Variants in SPTBN1 observed in about 807,000 individuals in gnomAD.
SPTBN1 encodes the protein spectrin beta, non-erythrocytic 1, also known as spectrin beta chain, non-erythrocytic 1.
In SPTBN1, 32 loss-of-function variants were observed where a neutral mutation model predicts 266.4. The observed-to-expected ratio is 0.12, with a 90% CI of 0.09 to 0.16. The LOEUF is 0.16. Among genes scored for constraint, SPTBN1 ranks in the 10% least tolerant of loss-of-function variants. The probability of loss-of-function intolerance (pLI) is 1.00; values close to 1 mark genes in which losing one functional copy is unlikely to be tolerated. For synonymous variants in SPTBN1, 1,336 were observed against 1,162.2 expected (o/e 1.15, Z -3.04); for missense variants, 2,296 against 3,067.1 (o/e 0.75, Z 5.94).
At chr2:54,574,316 G>A (rs888423521) in intron 2 of SPTBN1, among the ~76,000 whole-genome samples, 4 of 152,154 alleles carry the variant, frequency 2.6e-5, no homozygotes, top group East Asian at 1.9e-4. Flanking sequence ...GCACCTGGCT[G>A]TTGACCACGC....
chr2:54,492,154 A>G (rs1247357351), intron 1 of SPTBN1, among the ~76,000 whole-genome samples: 1 of 152,192 alleles, frequency 6.6e-6, no homozygotes. Context: ...AAGCCATGCT[A>G]TAATTCTGGT....
chr2:54,661,744 ATG>A, intron 32 of SPTBN1: 1 of 985,486 alleles, frequency 1.0e-6, no homozygotes. Context: ...TCATATATAT[ATG>A]TGTGTGTGTT....
chr2:54,623,009 T>A (rs1216309827), intron 9 of SPTBN1, among the ~76,000 whole-genome samples: 1 of 152,214 alleles, frequency 6.6e-6, no homozygotes, highest in Non-Finnish European at 1.5e-5. Context: ...CTTTTTTAAG[T>A]TCATAATTGT....
intron 1 of SPTBN1, among the ~76,000 whole-genome samples, chr2:54,468,109 C>G (rs930215718): frequency 6.6e-6 from 1 of 152,000 alleles, no homozygotes; most frequent in Non-Finnish European, 1.5e-5. Flanking sequence ...GAGTTTGAGA[C>G]GAGCCTGGCC....
At chr2:54,668,296 A>C in intron 35 of SPTBN1, 55 bp from the exon 36 acceptor site, 3 of 1,571,530 alleles carry the variant, frequency 1.9e-6, no homozygotes, top group Non-Finnish European at 2.6e-6. Flanking sequence ...TTGGAGCCAG[A>C]ACCCCTCATG....
At chr2:54,658,756 A>G (rs1373017169) in intron 30 of SPTBN1, among the ~76,000 whole-genome samples, 1 of 152,192 alleles carries the variant, frequency 6.6e-6, no homozygotes, top group Admixed American at 6.5e-5. Flanking sequence ...CCACCACAGC[A>G]CAAGCGGCTT....
chr2:54,663,002 C>T (rs1681153793), intron 32 of SPTBN1: 2 of 152,162 alleles, frequency 1.3e-5, no homozygotes. Context: ...TTCCCTCAGC[C>T]CTGATGCTAA....
At chr2:54,600,769 A>T (rs189525080) in intron 3 of SPTBN1, among the ~76,000 whole-genome samples, 245 of 151,066 alleles carry the variant, frequency 1.6e-3, no homozygotes, top group African/African-American at 5.6e-3. Context: ...TAGCTAAAAA[A>T]AATCATTAAA....
intron 2 of SPTBN1, among the ~76,000 whole-genome samples, chr2:54,573,776 G>A (rs537857726): frequency 6.6e-6 from 1 of 152,160 alleles, no homozygotes; most frequent in South Asian, 2.1e-4. Flanking sequence ...GCGGCTCTTT[G>A]CTCAGGCACT....
chr2:54,544,795 AC>A (rs1280974420), intron 2 of SPTBN1, among the ~76,000 whole-genome samples: 1 of 152,148 alleles, frequency 6.6e-6, no homozygotes, highest in Non-Finnish European at 1.5e-5. Flanking sequence ...TTTTTATTAT[AC>A]TTTAAGTTCT....
At chr2:54,665,890 C>T (rs971631346) in intron 33 of SPTBN1, 25 bp from the exon 34 acceptor site, 5 of 1,596,278 alleles carry the variant, frequency 3.1e-6, no homozygotes, top group Non-Finnish European at 1.7e-6. Flanking sequence ...TTATCTCCCC[C>T]TGCCCTTTTT....
At chr2:54,641,928 A>G (rs1296025810) in intron 18 of SPTBN1, among the ~76,000 whole-genome samples, 1 of 152,210 alleles carries the variant, frequency 6.6e-6, no homozygotes, top group African/African-American at 2.4e-5. Flanking sequence ...TGGTAGAACC[A>G]TGAAGGATTT....
At chr2:54,605,861 C>A (rs539686945) in intron 3 of SPTBN1, among the ~76,000 whole-genome samples, 53 of 152,284 alleles carry the variant, frequency 3.5e-4, no homozygotes, top group African/African-American at 1.2e-3. Flanking sequence ...TGAGTTGCAT[C>A]CAGGTCTGGA....
chr2:54,478,997 C>T (rs1475299380), intron 1 of SPTBN1, among the ~76,000 whole-genome samples: 1 of 152,140 alleles, frequency 6.6e-6, no homozygotes, highest in Non-Finnish European at 1.5e-5. Context: ...ACTGCATGTC[C>T]ACCTTTGTTT....
intron 1 of SPTBN1, among the ~76,000 whole-genome samples, chr2:54,461,180 A>G (rs1055410621): frequency 1.3e-5 from 2 of 152,158 alleles, no homozygotes; most frequent in African/African-American, 4.8e-5. Context: ...TTGATTGTGT[A>G]TGATTTTGAA....
chr2:54,659,219 C>G lies in SPTBN1; in HGVS notation c.6309C>G (p.Pro2103=), dbSNP rs199692018. The G allele has an allele frequency of 6.2e-7, 1 of 1,614,046 alleles. No individual in the cohort carries two copies. Residue 2103 remains proline, a synonymous_variant, in exon 31 of 36, where the codon CCC becomes CCG. Coordinates refer to ENST00000356805, the MANE Select transcript of SPTBN1 (RefSeq NM_003128.3). ...EEERKRRPPS[P]EPSTKVSEEA... ...AGAGGAAGAGGCGGCCGCCTTCTCC[C>G]GAGCCGAGCACGAAGGTTTCAGAGG...
At chr2:54,480,586 A>G (rs57904903) in intron 1 of SPTBN1, among the ~76,000 whole-genome samples, 5,567 of 152,302 alleles carry the variant, frequency 0.037, 285 homozygotes, top group East Asian at 0.13. Context: ...TATAACCCAC[A>G]TTCAGATGTA....
chr2:54,594,868 C>T (rs1373971148), intron 2 of SPTBN1, among the ~76,000 whole-genome samples: 1 of 104,442 alleles, frequency 9.6e-6, no homozygotes, highest in Non-Finnish European at 1.7e-5. Flanking sequence ...GAGTTTCGCT[C>T]TTGTTGCCAA....
chr2:54,648,575 C>G (rs906758212), intron 24 of SPTBN1, among the ~76,000 whole-genome samples: 1 of 152,196 alleles, frequency 6.6e-6, no homozygotes, highest in African/African-American at 2.4e-5. Flanking sequence ...CTTATTTTCT[C>G]TTTTGTCACC....
Sources: allele counts gnomAD v4.1 joint callset (sites outside exome capture counted in the v4.1 genomes callset), GRCh38; gene constraint gnomAD v4.1.1; transcripts MANE v1.5; gene names NCBI Gene and HGNC (gene_info 2026-07-23, HGNC 2026-07-21).